SYNE2: variants seen among roughly 807,000 people sequenced by gnomAD.
SYNE2 encodes the protein spectrin repeat containing nuclear envelope protein 2, also known as nesprin-2.
A neutral mutation model predicts 856.3 loss-of-function variants in SYNE2; 431 were observed. The observed-to-expected ratio is 0.50, with a 90% CI of 0.47 to 0.55. The LOEUF is 0.55. Ranked by LOEUF, SYNE2 falls within the 20% of genes least tolerant of loss-of-function variation. The pLI is 0.00. For synonymous variants in SYNE2, 2,923 were observed against 2,872.3 expected (o/e 1.02, Z -0.56); for missense variants, 8,129 against 8,023.2 (o/e 1.01, Z -0.50).
rs61091259 is a variant in SYNE2, at chr14:63,858,262, C to CTTT, written c.-52+5149_-52+5151dup. On this transcript the variant is annotated intron_variant, in intron 1 of 115. Transcript: ENST00000555002. ...TACAGGTGTGCGTCTCCACACCGGCCTTTTTTTTTTTTTTTTTTTTTTTTT... is the reference window on the plus strand; with the variant it reads ...TACAGGTGTGCGTCTCCACACCGGCCTTTTTTTTTTTTTTTTTTTTTTTTTTTT... Among the ~76,000 whole-genome samples, 76 of 52,926 alleles carry CTTT rather than the reference C, an allele frequency of 1.4e-3. 5 individuals carry two copies. Among genetic ancestry groups the CTTT allele is most frequent in the Middle Eastern group, 0.038 (2 of 52 alleles). 34.7% of individuals were successfully genotyped at this position (52,926 alleles called of 152,430 possible).
At chr14:63,911,724 T>C (rs2095476096) in intron 2 of SYNE2, among the ~76,000 whole-genome samples, 1 of 152,180 alleles carries the variant, frequency 6.6e-6, no homozygotes, top group Admixed American at 6.6e-5. Context: ...CACTGGAAAA[T>C]TCATTAAATC....
chr14:63,885,687 A>G (rs1395226617), intron 1 of SYNE2, among the ~76,000 whole-genome samples: 1 of 152,126 alleles, frequency 6.6e-6, no homozygotes, highest in African/African-American at 2.4e-5. Flanking sequence ...CTGCAGCCTC[A>G]AACTCCTGGG....
At chr14:64,219,820 G>A (rs1027863117) in intron 110 of SYNE2, among the ~76,000 whole-genome samples, 3 of 152,136 alleles carry the variant, frequency 2.0e-5, no homozygotes, top group Non-Finnish European at 2.9e-5. Flanking sequence ...GGAAAGGACC[G>A]GCTCACCTAC....
intron 1 of SYNE2, among the ~76,000 whole-genome samples, chr14:63,886,445 T>A (rs1393026996): frequency 2.6e-5 from 4 of 152,232 alleles, no homozygotes; most frequent in Admixed American, 6.5e-5. Flanking sequence ...TTCCTTTTTT[T>A]AAATAATAGA....
chr14:64,003,013 A>T lies in SYNE2; in HGVS notation c.4080A>T (p.Val1360=). ...TGGCACAAGAAAATACGTTGACAGT[A>T]AAAAATAAAGAGGGAGAAATTCATC... ...TQVAQENTLT[V]KNKEGEIHLM... Residue 1360 remains valine (V), a synonymous_variant, in exon 30 of 116, where the codon GTA becomes GTT. Transcript: ENST00000555002. 6.2e-7 allele frequency: 1 copy of T among 1,614,208 alleles called. No homozygotes were observed. The highest frequency in any genetic ancestry group is 8.5e-7 in the Non-Finnish European group (1 of 1,180,034).
At chr14:63,804,920 A>G (rs1174724014) in intron 1 of SYNE2, among the ~76,000 whole-genome samples, 1 of 152,222 alleles carries the variant, frequency 6.6e-6, no homozygotes, top group Non-Finnish European at 1.5e-5. Context: ...ATTTTTGTGT[A>G]TGATAAAAGG....
At chr14:63,910,852 G>C (rs1266634606) in intron 2 of SYNE2, among the ~76,000 whole-genome samples, 1 of 152,140 alleles carries the variant, frequency 6.6e-6, no homozygotes, top group Non-Finnish European at 1.5e-5. Flanking sequence ...CTAGGTTTAT[G>C]GCCAAAATCT....
intron 93 of SYNE2, among the ~76,000 whole-genome samples, chr14:64,169,842 A>G (rs1424704761): frequency 6.6e-6 from 1 of 152,248 alleles, no homozygotes; most frequent in Non-Finnish European, 1.5e-5. Flanking sequence ...TATTGCTAAA[A>G]TTATGTAAAG....
intron 44 of SYNE2, among the ~76,000 whole-genome samples, 155 bp downstream of exon 44, chr14:64,030,214 T>C (rs917883407): frequency 6.6e-6 from 1 of 152,356 alleles, no homozygotes; most frequent in Non-Finnish European, 1.5e-5. Flanking sequence ...AATGAGAATG[T>C]CCTTCTTTAG....
intron 1 of SYNE2, among the ~76,000 whole-genome samples, chr14:63,901,736 G>A (rs974171943): frequency 6.6e-6 from 1 of 152,134 alleles, no homozygotes; most frequent in Admixed American, 6.5e-5. Flanking sequence ...CCAGCATGGG[G>A]AATATAGGGA....
chr14:64,125,269 A>G, intron 71 of SYNE2, 59 bp downstream of exon 71: 1 of 1,607,154 alleles, frequency 6.2e-7, no homozygotes, highest in Non-Finnish European at 8.5e-7. Context: ...AGGAGATATC[A>G]TCATTGTGAC....
At chr14:63,761,868 G>T, upstream of SYNE2, 1 of 216,884 alleles carries the variant, frequency 4.6e-6, no homozygotes, top group Non-Finnish European at 9.7e-6. Context: ...AGAGTCAGGC[G>T]TGTAAACCAG....
chr14:64,180,692 C>T (rs529043384), intron 96 of SYNE2, among the ~76,000 whole-genome samples: 11 of 151,998 alleles, frequency 7.2e-5, no homozygotes, highest in South Asian at 2.1e-4. Context: ...TTAGTAGAGA[C>T]GGGGTTTCAC....
At chr14:63,950,568 T>C (rs1467958624) in intron 7 of SYNE2, among the ~76,000 whole-genome samples, 5 of 151,752 alleles carry the variant, frequency 3.3e-5, no homozygotes, top group Non-Finnish European at 5.9e-5. Flanking sequence ...CACACACACA[T>C]ACAACAAAAC....
At chr14:63,972,205 A>T (rs1024809267) in intron 11 of SYNE2, among the ~76,000 whole-genome samples, 1 of 152,212 alleles carries the variant, frequency 6.6e-6, no homozygotes, top group African/African-American at 2.4e-5. Context: ...TGTGAAGGAT[A>T]AGACCTGTCC....
chr14:63,895,389 G>A (rs942379434), intron 1 of SYNE2, among the ~76,000 whole-genome samples: 3 of 151,560 alleles, frequency 2.0e-5, no homozygotes, highest in Admixed American at 1.3e-4. Context: ...GATTACAGGC[G>A]TGAGCCACTG....
intron 31 of SYNE2, among the ~76,000 whole-genome samples, chr14:64,008,740 A>G (rs993148171): frequency 6.6e-6 from 1 of 151,996 alleles, no homozygotes; most frequent in Non-Finnish European, 1.5e-5. Flanking sequence ...AGGGTTAGGC[A>G]GTGGGGGGTA....
At chr14:64,105,969 G>A (rs2097768302) in intron 64 of SYNE2, among the ~76,000 whole-genome samples, 1 of 151,532 alleles carries the variant, frequency 6.6e-6, no homozygotes, top group African/African-American at 2.4e-5. Context: ...AGGATCACTT[G>A]AGCCTGGGAG....
At position 64,141,534 on chromosome 14, in the gene SYNE2, A is replaced by G. The variant is rs755542471; in HGVS notation, c.15159+11A>G. The G allele has an allele frequency of 5.6e-6, 9 of 1,612,728 alleles. No individual in the cohort carries two copies. The East Asian group carries it at 2.0e-4, about 36-fold the overall frequency. On this transcript the variant is annotated intron_variant, in intron 81 of 115. Transcript: ENST00000555002. ...GAAAAACTTCACCAGGTAAGTCTTT[A>G]GAGCCTCAGCATTTGAATTAGCATT...
Sources: allele counts gnomAD v4.1 joint callset (sites outside exome capture counted in the v4.1 genomes callset), GRCh38; gene constraint gnomAD v4.1.1; transcripts MANE v1.5; gene names NCBI Gene and HGNC (gene_info 2026-07-23, HGNC 2026-07-21).